Variants in KLRG1 observed in about 807,000 individuals in gnomAD.
KLRG1 encodes killer cell lectin like receptor G1, also known as killer cell lectin-like receptor subfamily G member 1.
KLRG1 carries 16 observed loss-of-function variants against 21.8 expected under a neutral mutation model. That is an observed-to-expected ratio of 0.73 (90% CI 0.50 to 1.11). KLRG1 has a LOEUF of 1.11. Ranked by LOEUF, KLRG1 falls within the 50% of genes most tolerant of loss-of-function variation. The probability of loss-of-function intolerance (pLI) is 0.00; values close to 1 mark genes in which losing one functional copy is unlikely to be tolerated. For synonymous variants in KLRG1, 69 were observed against 75.9 expected, an observed-to-expected ratio of 0.91 and a Z score of 0.47; for missense variants, 173 against 218.3, an observed-to-expected ratio of 0.79 and a Z score of 1.31.
the KLRG1 span, chr12:9,099,394 C>T: frequency 9.6e-6 from 15 of 1,558,538 alleles, no homozygotes; most frequent in Non-Finnish European, 1.3e-5. Context: ...GTTGGCCAGA[C>T]AATTTTCAAC....
chr12:9,203,894 A>C, the KLRG1 span: 1 of 1,614,010 alleles, frequency 6.2e-7, no homozygotes, highest in Admixed American at 1.7e-5. Context: ...TCAGAAGGAC[A>C]CAGCCCTTCT....
In KLRG1 at chr12:8,989,647, T is replaced by C; in HGVS notation, c.12T>C (p.Ser4=). Residue 4 remains serine (S), a synonymous_variant, in exon 1 of 5, where the codon AGT becomes AGC. Coordinates refer to ENST00000356986, the MANE Select transcript of KLRG1 (RefSeq NM_005810.4). The part of the protein sequence containing the change: MTD[S]VIYSMLELPT... ...GATCTTAGCTGAAGATGACTGACAG[T>C]GTTATTTATTCCATGTTAGAGTTGC... 6.2e-7 allele frequency: 1 copy of C among 1,604,732 alleles called. No homozygotes were observed. Among genetic ancestry groups the C allele is most frequent in the South Asian group, 1.1e-5 (1 of 90,488 alleles).
the KLRG1 span, among the ~76,000 whole-genome samples, chr12:9,113,105 C>G: frequency 3.1e-4 from 44 of 143,924 alleles, 1 homozygote; most frequent in South Asian, 9.6e-3. Flanking sequence ...GTCACATTTT[C>G]TTTTTTTTTT....
the KLRG1 span, chr12:9,068,827 G>A: frequency 4.4e-6 from 7 of 1,599,408 alleles, no homozygotes; most frequent in Non-Finnish European, 6.0e-6. Flanking sequence ...AACAAGCTCA[G>A]TGTCTGATTT....
chr12:9,204,661 T>C, the KLRG1 span, among the ~76,000 whole-genome samples: 13 of 152,268 alleles, frequency 8.5e-5, 1 homozygote, highest in East Asian at 2.5e-3. Flanking sequence ...AAACACACAC[T>C]GTATTTTATT....
At chr12:9,174,227 C>CA in the KLRG1 span, among the ~76,000 whole-genome samples, 3 of 152,144 alleles carry the variant, frequency 2.0e-5, no homozygotes, top group African/African-American at 7.2e-5. Context: ...AGACAAAAAC[C>CA]ACATGGTTAT....
At chr12:8,982,573 T>C (rs889560582) in intron 1 of KLRG1, among the ~76,000 whole-genome samples, 4 of 152,312 alleles carry the variant, frequency 2.6e-5, no homozygotes, top group Admixed American at 6.5e-5. Context: ...ACATTGTATA[T>C]ATTTGTATAC....
At chr12:9,160,234 A>C in the KLRG1 span, 2 of 1,311,968 alleles carry the variant, frequency 1.5e-6, no homozygotes, top group Non-Finnish European at 2.1e-6. Flanking sequence ...TCATGGGTTA[A>C]TATTTGATGA....
intron 1 of KLRG1, among the ~76,000 whole-genome samples, chr12:8,971,989 T>G (rs1309343051): frequency 6.6e-6 from 1 of 152,246 alleles, no homozygotes; most frequent in Non-Finnish European, 1.5e-5. Flanking sequence ...TCCTTTGCAG[T>G]GCAGAAGCTT....
At chr12:9,079,772 G>A in the KLRG1 span, 2 of 1,612,720 alleles carry the variant, frequency 1.2e-6, no homozygotes, top group South Asian at 2.2e-5. Flanking sequence ...AGGGCATCTG[G>A]AGAAGATTTT....
chr12:8,995,359 A>T, intron 3 of KLRG1, 71 bp downstream of exon 3: 1 of 1,308,290 alleles, frequency 7.6e-7, no homozygotes, highest in Admixed American at 2.0e-5. Flanking sequence ...CTGCTATTTA[A>T]ATGTATCATG....
intron 3 of KLRG1, among the ~76,000 whole-genome samples, chr12:9,004,718 T>C (rs2137413384): frequency 6.6e-6 from 1 of 152,306 alleles, no homozygotes; most frequent in Middle Eastern, 3.4e-3. Context: ...TGGCCTCAAG[T>C]AATCCTCTCA....
intron 1 of KLRG1, among the ~76,000 whole-genome samples, chr12:8,975,864 T>G (rs765975596): frequency 2.0e-5 from 3 of 152,284 alleles, no homozygotes; most frequent in Admixed American, 6.5e-5. Context: ...GCCCAGCTTT[T>G]TTTTTCTTAG....
chr12:9,009,150 G>C, intron 4 of KLRG1, 75 bp downstream of exon 4: 1 of 1,102,970 alleles, frequency 9.1e-7, no homozygotes. Context: ...TTGGGGAATA[G>C]ATAAAGAAGA....
At chr12:9,033,353 G>A in the KLRG1 span, among the ~76,000 whole-genome samples, 1 of 152,156 alleles carries the variant, frequency 6.6e-6, no homozygotes, top group Non-Finnish European at 1.5e-5. Context: ...GCTGAGGTGA[G>A]AGGATCACTT....
the KLRG1 span, among the ~76,000 whole-genome samples, chr12:9,106,959 C>T: frequency 6.6e-5 from 10 of 152,088 alleles, no homozygotes; most frequent in South Asian, 2.1e-4. Context: ...GATCACATCG[C>T]GGGATTTAGG....
the KLRG1 span, chr12:9,157,393 A>G: frequency 3.2e-6 from 5 of 1,582,430 alleles, no homozygotes; most frequent in Non-Finnish European, 4.3e-6. Context: ...AACTAGGGTG[A>G]ATAGAGGGCA....
chr12:9,074,824 T>A, the KLRG1 span: 1 of 1,543,356 alleles, frequency 6.5e-7, no homozygotes, highest in Non-Finnish European at 8.8e-7. Flanking sequence ...GCCTACATAT[T>A]TATATTTAAT....
the KLRG1 span, chr12:9,180,933 T>G: frequency 1.9e-6 from 3 of 1,568,274 alleles, no homozygotes; most frequent in Non-Finnish European, 2.6e-6. Flanking sequence ...CTTCTTGATC[T>G]GAGCCTCTGG....
Sources: allele counts gnomAD v4.1 joint callset (sites outside exome capture counted in the v4.1 genomes callset), GRCh38; gene constraint gnomAD v4.1.1; transcripts MANE v1.5; gene names NCBI Gene and HGNC (gene_info 2026-07-23, HGNC 2026-07-21).